Variants in INPP4B observed in about 807,000 individuals in gnomAD.
INPP4B encodes the protein inositol polyphosphate 4-phosphatase type II.
Under a neutral mutation model 122.5 loss-of-function variants are expected in INPP4B, and 55 were observed. The ratio of observed to expected loss-of-function variants is 0.45; its 90% CI spans 0.36 to 0.56. The LOEUF is 0.56. INPP4B is among the 20% of genes least tolerant of loss of function. The probability of loss-of-function intolerance (pLI) is 0.00; values close to 1 mark genes in which losing one functional copy is unlikely to be tolerated. For missense variants in INPP4B, 1,000 were observed against 1,097.7 expected, an observed-to-expected ratio of 0.91 and a Z score of 1.26; for synonymous variants, 403 against 388.7, an observed-to-expected ratio of 1.04 and a Z score of -0.43.
chr4:142,135,514 G>C (rs1025263058), intron 18 of INPP4B, among the ~76,000 whole-genome samples: 1 of 152,078 alleles, frequency 6.6e-6, no homozygotes, highest in East Asian at 1.9e-4. Context: ...TGACTGGCTG[G>C]GGCTGGAGCA....
chr4:142,266,225 G>C (rs772013476), intron 10 of INPP4B, among the ~76,000 whole-genome samples: 1 of 152,138 alleles, frequency 6.6e-6, no homozygotes, highest in Non-Finnish European at 1.5e-5. Flanking sequence ...ATGGAATGAA[G>C]GGATCCAGCC....
intron 25 of INPP4B, among the ~76,000 whole-genome samples, chr4:142,040,507 G>T: frequency 6.6e-6 from 1 of 152,134 alleles, no homozygotes; most frequent in Non-Finnish European, 1.5e-5. Context: ...TTGCTAGATA[G>T]GAGCTGAAAT....
chr4:142,373,445 C>A (rs1006223162), intron 7 of INPP4B, among the ~76,000 whole-genome samples: 1 of 151,918 alleles, frequency 6.6e-6, no homozygotes, highest in African/African-American at 2.4e-5. Flanking sequence ...TATGTCATTT[C>A]TAGTCATCTT....
chr4:142,803,855 G>A (rs1350952641), intron 1 of INPP4B, among the ~76,000 whole-genome samples: 7 of 151,778 alleles, frequency 4.6e-5, no homozygotes, highest in South Asian at 2.1e-4. Context: ...TCAGGACTTC[G>A]AAACCAGCCT....
intron 2 of INPP4B, among the ~76,000 whole-genome samples, chr4:142,522,768 G>C (rs1054345432): frequency 1.6e-4 from 24 of 152,014 alleles, no homozygotes; most frequent in African/African-American, 5.8e-4. Context: ...TATCCTTTCT[G>C]TAATACCCAT....
At chr4:142,352,204 A>G (rs911276535) in intron 7 of INPP4B, among the ~76,000 whole-genome samples, 19 of 151,960 alleles carry the variant, frequency 1.3e-4, no homozygotes, top group African/African-American at 1.2e-4. Context: ...GAATTCCTGT[A>G]TAGTACAACG....
rs1292424618 is a variant in INPP4B, at chr4:142,078,103, G to T, written c.2642+3928C>A. On this transcript the variant is annotated intron_variant, in intron 25 of 25. Coordinates refer to ENST00000262992, the MANE Select transcript of INPP4B (RefSeq NM_001101669.3). ...GTGTTTAATTTTCTAATCTGAAGAG[G>T]CATTTATGCCATTTCATCAAACAGA... Among the ~76,000 whole-genome samples, 5 of 151,884 alleles carry T rather than the reference G, an allele frequency of 3.3e-5. No individual in the cohort carries two copies. The South Asian group carries it at 8.3e-4, about 25-fold the overall frequency.
chr4:142,447,836 C>T (rs943861522), intron 3 of INPP4B, among the ~76,000 whole-genome samples: 1 of 152,032 alleles, frequency 6.6e-6, no homozygotes, highest in Admixed American at 6.5e-5. Flanking sequence ...TGATGTGTGG[C>T]CTGCCTACAT....
At chr4:142,650,892 C>T (rs1424275945) in intron 2 of INPP4B, among the ~76,000 whole-genome samples, 2 of 152,190 alleles carry the variant, frequency 1.3e-5, no homozygotes, top group African/African-American at 4.8e-5. Context: ...CTACAGAACT[C>T]TCCAGCCCAA....
At chr4:142,319,145 G>A (rs1312399135) in intron 7 of INPP4B, among the ~76,000 whole-genome samples, 3 of 152,152 alleles carry the variant, frequency 2.0e-5, no homozygotes, top group Non-Finnish European at 4.4e-5. Flanking sequence ...CTGCACACTA[G>A]GCTGGCAGCA....
chr4:142,750,123 T>C (rs1170078074), intron 1 of INPP4B, among the ~76,000 whole-genome samples: 1 of 152,022 alleles, frequency 6.6e-6, no homozygotes, highest in Non-Finnish European at 1.5e-5. Flanking sequence ...AGACACAAGA[T>C]AGATTAAGTA....
intron 2 of INPP4B, among the ~76,000 whole-genome samples, chr4:142,524,277 T>G (rs1826524121): frequency 6.6e-6 from 1 of 152,106 alleles, no homozygotes; most frequent in African/African-American, 2.4e-5. Flanking sequence ...CCACCAACAG[T>G]GTAAAAGTGT....
At chr4:142,168,905 T>G (rs1455018955) in intron 16 of INPP4B, among the ~76,000 whole-genome samples, 1 of 151,614 alleles carries the variant, frequency 6.6e-6, no homozygotes, top group Non-Finnish European at 1.5e-5. Flanking sequence ...TTTAGGTTCC[T>G]TTTTGCTACA....
At chr4:142,612,978 G>T (rs927239292) in intron 2 of INPP4B, among the ~76,000 whole-genome samples, 1 of 152,168 alleles carries the variant, frequency 6.6e-6, no homozygotes, top group Non-Finnish European at 1.5e-5. Context: ...CAGAAATAAT[G>T]TAAGTGCCAT....
intron 2 of INPP4B, among the ~76,000 whole-genome samples, chr4:142,552,663 A>T (rs1031052970): frequency 1.1e-4 from 17 of 152,218 alleles, no homozygotes; most frequent in Admixed American, 2.0e-4. Flanking sequence ...AATATAAAGA[A>T]TAAAGTTAAC....
chr4:142,243,997 G>A (rs1860809124), intron 11 of INPP4B, among the ~76,000 whole-genome samples: 1 of 151,808 alleles, frequency 6.6e-6, no homozygotes, highest in Non-Finnish European at 1.5e-5. Context: ...GTTCCATGGT[G>A]GTTTGCTGCA....
chr4:142,765,207 G>A (rs1377771585), intron 1 of INPP4B, among the ~76,000 whole-genome samples: 1 of 152,092 alleles, frequency 6.6e-6, no homozygotes, highest in Non-Finnish European at 1.5e-5. Context: ...TTAGAGATTA[G>A]CAAGGCAATG....
At chr4:142,558,553 T>G (rs1350055654) in intron 2 of INPP4B, among the ~76,000 whole-genome samples, 1 of 152,014 alleles carries the variant, frequency 6.6e-6, no homozygotes, top group Non-Finnish European at 1.5e-5. Flanking sequence ...ATAGGTATTA[T>G]TCAGGCTATG....
At chr4:142,161,243 C>A (rs1263778030) in intron 16 of INPP4B, among the ~76,000 whole-genome samples, 1 of 151,878 alleles carries the variant, frequency 6.6e-6, no homozygotes, top group African/African-American at 2.4e-5. Context: ...AAGCTGGTGG[C>A]AAATACCTAG....
Sources: gnomAD v4.1 joint callset for allele counts (sites outside exome capture counted in the v4.1 genomes callset) on GRCh38, gnomAD v4.1.1 for gene constraint, MANE v1.5 for transcripts, NCBI Gene and HGNC (gene_info 2026-07-23, HGNC 2026-07-21) for gene names.